The following MAP4K5 variants were observed in gnomAD, a reference collection of about 807,000 sequenced individuals.
MAP4K5 encodes the protein MAPK/ERK kinase kinase kinase 5.
In MAP4K5, 82 loss-of-function variants were observed where a neutral mutation model predicts 135.6. The ratio of observed to expected loss-of-function variants is 0.60; its 90% CI spans 0.51 to 0.73. The LOEUF is 0.73. MAP4K5 is among the 30% of genes least tolerant of loss of function. The probability of loss-of-function intolerance (pLI) is 0.00; values close to 1 mark genes in which losing one functional copy is unlikely to be tolerated. For missense variants in MAP4K5, 907 were observed against 1,010.9 expected (o/e 0.90, Z 1.39); for synonymous variants, 347 against 335.0 (o/e 1.04, Z -0.39).
chr14:50,534,409 A>G (rs2038466160), upstream of MAP4K5, among the ~76,000 whole-genome samples: 1 of 152,260 alleles, frequency 6.6e-6, no homozygotes, highest in Non-Finnish European at 1.5e-5. Context: ...TCCTAATGCA[A>G]AGACTTCCAA....
chr14:50,447,305 A>G, intron 16 of MAP4K5, 109 bp downstream of exon 16: 1 of 655,412 alleles, frequency 1.5e-6, no homozygotes, highest in South Asian at 2.5e-5. Flanking sequence ...CATTAATGGC[A>G]TAACTTTTTC....
chr14:50,475,240 T>C (rs934555488), intron 8 of MAP4K5, 91 bp from the exon 9 acceptor site: 4 of 892,576 alleles, frequency 4.5e-6, no homozygotes, highest in Non-Finnish European at 7.3e-6. Context: ...GTATTAATAA[T>C]TCAAATATTA....
chr14:50,434,149 G>A (rs1210478976), intron 28 of MAP4K5, among the ~76,000 whole-genome samples: 1 of 152,148 alleles, frequency 6.6e-6, no homozygotes, highest in Admixed American at 6.6e-5. Context: ...TCACTGGTAA[G>A]AACTAAGACT....
intron 5 of MAP4K5, among the ~76,000 whole-genome samples, chr14:50,485,240 C>T (rs567656687): frequency 1.0e-3 from 157 of 152,224 alleles, no homozygotes; most frequent in Non-Finnish European, 1.7e-3. Flanking sequence ...CTAAGACAGA[C>T]ACGTAACTTC....
intron 2 of MAP4K5, among the ~76,000 whole-genome samples, chr14:50,509,374 T>A (rs1169644973): frequency 2.0e-5 from 3 of 152,170 alleles, no homozygotes; most frequent in African/African-American, 7.2e-5. Flanking sequence ...AAGTATTAAT[T>A]GTGTATTATT....
At chr14:50,560,815 C>G (rs1014408225) in intron 1 of MAP4K5, among the ~76,000 whole-genome samples, 1 of 152,154 alleles carries the variant, frequency 6.6e-6, no homozygotes, top group South Asian at 2.1e-4. Context: ...AACAATGAGG[C>G]GGAGCGCGCC....
chr14:50,440,312 C>T (rs2036196380), intron 22 of MAP4K5, 50 bp downstream of exon 22: 1 of 1,217,224 alleles, frequency 8.2e-7, no homozygotes, highest in East Asian at 2.5e-5. Context: ...TAAGACACTT[C>T]TTTATTCAAT....
chr14:50,518,931 G>A (rs2038090663), intron 2 of MAP4K5, among the ~76,000 whole-genome samples: 1 of 152,068 alleles, frequency 6.6e-6, no homozygotes, highest in Non-Finnish European at 1.5e-5. Context: ...AGAATAATTG[G>A]TTAAAATTCA....
intron 1 of MAP4K5, among the ~76,000 whole-genome samples, chr14:50,546,142 AAG>A (rs1230679904): frequency 6.6e-6 from 1 of 152,238 alleles, no homozygotes; most frequent in African/African-American, 2.4e-5. Flanking sequence ...GAAGAAAAAA[AAG>A]AGGGTAAAAG....
chr14:50,453,976 A>G (rs2036546646), intron 14 of MAP4K5, among the ~76,000 whole-genome samples: 1 of 152,168 alleles, frequency 6.6e-6, no homozygotes, highest in Non-Finnish European at 1.5e-5. Flanking sequence ...CACTAAAAAT[A>G]CACTGTAAAA....
chr14:50,468,926 C>T (rs1358740914), intron 9 of MAP4K5, 144 bp from the exon 10 acceptor site: 1 of 652,646 alleles, frequency 1.5e-6, no homozygotes, highest in African/African-American at 1.8e-5. Flanking sequence ...TAAGTAAAGG[C>T]TTAAATCTCT....
In MAP4K5 at chr14:50,471,082, G is replaced by C. The variant is rs1415667155; in HGVS notation, c.543-2300C>G. Among the ~76,000 whole-genome samples, 5 of 152,054 alleles carry C rather than the reference G, an allele frequency of 3.3e-5. No homozygotes were observed. The East Asian group carries it at 9.6e-4, about 29-fold the overall frequency. On this transcript the variant is annotated intron_variant, in intron 9 of 32. Transcript: ENST00000682126. ...AGGTTTTTTACACAGGTAAATGTGT[G>C]CCATGGTGGTTTGCTGCACAGATCA...
At chr14:50,426,646 C>T (rs2035853554) in intron 30 of MAP4K5, among the ~76,000 whole-genome samples, 1 of 152,182 alleles carries the variant, frequency 6.6e-6, no homozygotes, top group African/African-American at 2.4e-5. Context: ...ATTGCTTGAA[C>T]CCCACAGGTG....
intron 31 of MAP4K5, among the ~76,000 whole-genome samples, chr14:50,423,760 C>G (rs1294896747): frequency 6.6e-6 from 1 of 152,064 alleles, no homozygotes; most frequent in Non-Finnish European, 1.5e-5. Flanking sequence ...CAGAGCAAGA[C>G]CCTGTATACT....
At chr14:50,554,564 G>C (rs1298527291) in intron 1 of MAP4K5, among the ~76,000 whole-genome samples, 5 of 152,178 alleles carry the variant, frequency 3.3e-5, no homozygotes, top group African/African-American at 1.2e-4. Flanking sequence ...GGGGAAGGCG[G>C]GGCAGTGAGC....
Position 50,469,867 on chromosome 14 carries a change from T to A in MAP4K5, c.543-1085A>T, listed in dbSNP as rs191123572. On this transcript the variant is annotated intron_variant, in intron 9 of 32. Coordinates refer to ENST00000682126, the MANE Select transcript of MAP4K5 (RefSeq NM_006575.6). ...TTAACTTCAATTAATTTGAATTGAA[T>A]ATCCACAAGGTACAAGTTGCTTTTA... 4.1e-3 allele frequency among the ~76,000 whole-genome samples: 624 copies of A among 152,310 alleles called. 1 individual carries two copies. The highest frequency in any genetic ancestry group is 6.8e-3 in the Middle Eastern group (2 of 294).
intron 2 of MAP4K5, among the ~76,000 whole-genome samples, chr14:50,510,665 A>C (rs1267919105): frequency 6.6e-6 from 1 of 152,196 alleles, no homozygotes; most frequent in Non-Finnish European, 1.5e-5. Context: ...TGATGAATTA[A>C]AGTATTTTGA....
chr14:50,447,190 G>T (rs1251199720), intron 16 of MAP4K5, among the ~76,000 whole-genome samples: 1 of 152,048 alleles, frequency 6.6e-6, no homozygotes, highest in Non-Finnish European at 1.5e-5. Flanking sequence ...TCACCTTTCA[G>T]TATATTATCA....
At position 50,484,489 on chromosome 14, in the gene MAP4K5, A is replaced by G. The variant is rs76301700; in HGVS notation, c.322+1089T>C. Among the ~76,000 whole-genome samples, 1,014 of 152,228 alleles carry G rather than the reference A, an allele frequency of 6.7e-3. 52 individuals carry two copies. In the East Asian group the frequency reaches 0.14, roughly 21 times the overall value. ...CTGGTAGGTATTCTTTCATTTTGCT[A>G]TACATTTACATTCTATATTTATACT... On this transcript the variant is annotated intron_variant, in intron 5 of 32. Coordinates refer to ENST00000682126, the MANE Select transcript of MAP4K5 (RefSeq NM_006575.6).
Sources: gnomAD v4.1 joint callset for allele counts (sites outside exome capture counted in the v4.1 genomes callset) on GRCh38, gnomAD v4.1.1 for gene constraint, MANE v1.5 for transcripts, NCBI Gene and HGNC (gene_info 2026-07-23, HGNC 2026-07-21) for gene names.